Variants in PSG8 observed in about 807,000 individuals in gnomAD.
PSG8 encodes the protein pregnancy-specific beta-1-glycoprotein 8.
A neutral mutation model predicts 42.5 loss-of-function variants in PSG8; 57 were observed. That is an observed-to-expected ratio of 1.34 (90% CI 1.08 to 1.67). The LOEUF (loss-of-function observed/expected upper bound fraction) is 1.67. Ranked by LOEUF, PSG8 falls within the 40% of genes most tolerant of loss-of-function variation. The probability of loss-of-function intolerance (pLI) is 0.00; values close to 1 mark genes in which losing one functional copy is unlikely to be tolerated. For missense variants in PSG8, 783 were observed against 518.6 expected (o/e 1.51, Z -4.95); for synonymous variants, 280 against 196.8 (o/e 1.42, Z -3.54).
chr19:42,753,349 AC>A (rs553477524), downstream of PSG8: 698 of 780,524 alleles, frequency 8.9e-4, 3 homozygotes, highest in African/African-American at 0.011. Context: ...AATTGGAGGA[AC>A]TAGTAGAATT....
At chr19:42,765,062 C>CA (rs113131452) in intron 1 of PSG8, among the ~76,000 whole-genome samples, 25,575 of 151,818 alleles carry the variant, frequency 0.17, 3,800 homozygotes, top group African/African-American at 0.4. Flanking sequence ...AATTCTGGTT[C>CA]CTGTGACTTT....
At chr19:42,759,843 T>G (rs1160868371) in intron 2 of PSG8, among the ~76,000 whole-genome samples, 2 of 152,138 alleles carry the variant, frequency 1.3e-5, no homozygotes, top group Non-Finnish European at 2.9e-5. Flanking sequence ...AACATAAGGT[T>G]TAGGTGTGCC....
downstream of PSG8, chr19:42,754,174 A>G (rs1969849449): frequency 3.3e-6 from 5 of 1,512,136 alleles, no homozygotes; most frequent in Non-Finnish European, 4.4e-6. Flanking sequence ...AAGTTTTCAA[A>G]GTTCTTAGAC....
chr19:42,761,898 A>C (rs1970085822), intron 2 of PSG8, among the ~76,000 whole-genome samples: 2 of 113,258 alleles, frequency 1.8e-5, no homozygotes, highest in South Asian at 6.2e-4. Flanking sequence ...GAGTGGATGG[A>C]GGAACTGCCT....
At chr19:42,755,340 T>C (rs1969896981) in intron 3 of PSG8, 74 bp from the exon 4 acceptor site, 1 of 1,577,972 alleles carries the variant, frequency 6.3e-7, no homozygotes, top group Admixed American at 1.7e-5. Flanking sequence ...TCAATCAGAG[T>C]TGGCATCTCC....
downstream of PSG8, chr19:42,753,829 G>T (rs949241023): frequency 4.5e-6 from 2 of 441,870 alleles, no homozygotes; most frequent in Non-Finnish European, 8.7e-6. Context: ...GCAGATTGTT[G>T]CTGTACTTGT....
intron 2 of PSG8, among the ~76,000 whole-genome samples, chr19:42,762,289 A>G (rs12608594): frequency 9.2e-5 from 14 of 151,952 alleles, no homozygotes; most frequent in South Asian, 4.2e-4. Context: ...ACTGACTTCA[A>G]AAACCCCAGG....
rs755926501 is a variant in PSG8, at chr19:42,755,153, G to A, written c.823C>T (p.Leu275=). ...CTGACCGGGAGGCTCTGACCATTTA[G>A]CCACCAAATGTAGGTGTAGTTCTCA... is the stretch of plus-strand genomic sequence containing the variant. ...KSENYTYIWW[L]NGQSLPVSPR... The change falls in exon 4 of 5, where the codon CTA becomes TTA. Residue 275 remains leucine, a synonymous_variant. Transcript: ENST00000306511. 3.0e-5 allele frequency: 49 copies of A among 1,611,794 alleles called. No individual in the cohort carries two copies. The highest frequency in any genetic ancestry group is 6.7e-5 in the African/African-American group (5 of 74,836).
chr19:42,758,237 G>T lies in PSG8; in HGVS notation c.474C>A (p.Pro158=). The stretch of plus-strand genomic sequence containing the variant: ...AGCTCACAGCCTCCATGGCCTCCCT[G>T]GGGTTTAATTTGCTGCTGGAGATGG... ...KPSISSSKLN[P]REAMEAVSLT... is the part of the protein sequence containing the mutation. The change falls in exon 3 of 5, where the codon CCC becomes CCA. Residue 158 remains proline, a synonymous_variant. Transcript: ENST00000306511. 6.2e-7 allele frequency: 1 copy of T among 1,614,008 alleles called. No individual in the cohort carries two copies. The highest frequency in any genetic ancestry group is 8.5e-7 in the Non-Finnish European group (1 of 1,179,950).
At chr19:42,753,268 T>C, downstream of PSG8, 1 of 779,524 alleles carries the variant, frequency 1.3e-6, no homozygotes. Flanking sequence ...CATTGAGTTG[T>C]CCACCTCCAG....
chr19:42,765,410 C>A, intron 1 of PSG8, 108 bp downstream of exon 1: 2 of 1,534,166 alleles, frequency 1.3e-6, no homozygotes, highest in Non-Finnish European at 1.8e-6. Context: ...CCTCAGCCTC[C>A]CAAAGTGCTG....
downstream of PSG8, chr19:42,753,863 C>T (rs1969841143): frequency 4.3e-6 from 2 of 470,004 alleles, no homozygotes; most frequent in South Asian, 1.7e-5. Context: ...TTACCATAAA[C>T]ATATCAATTC....
chr19:42,759,112 G>A (rs532117833), intron 2 of PSG8, among the ~76,000 whole-genome samples: 12 of 152,164 alleles, frequency 7.9e-5, no homozygotes, highest in South Asian at 2.1e-4. Context: ...CTGGTGGAAA[G>A]GGCGAACATG....
intron 4 of PSG8, 172 bp downstream of exon 4, chr19:42,754,816 T>C (rs375691547): frequency 5.5e-6 from 8 of 1,466,222 alleles, no homozygotes; most frequent in Middle Eastern, 2.6e-4. Flanking sequence ...CTTATACTCT[T>C]GGTTAAGGCT....
At position 42,764,236 on chromosome 19, in the gene PSG8, G is replaced by A. The variant is rs142689447; in HGVS notation, c.110C>T (p.Thr37Met). ...FWNPPTTAQV[T>M]IEAQPTKVSE... The stretch of plus-strand genomic sequence containing the variant: ...AACTTTGGTTGGCTGGGCTTCAATC[G>A]TGACTTGGGCAGTCGTGGGTGGGTT... The change falls in exon 2 of 5, where the codon ACG (threonine) becomes ATG (methionine). Residue 37 changes from threonine (T) to methionine (M), a missense_variant. Coordinates refer to ENST00000306511, the MANE Select transcript of PSG8 (RefSeq NM_182707.3). The A allele has an allele frequency of 1.1e-3, 1,709 of 1,613,706 alleles. 15 individuals are homozygous for A. The highest frequency in any genetic ancestry group is 1.3e-3 in the Non-Finnish European group (1,537 of 1,179,798).
rs561704987 is a variant in PSG8 at position 42,762,655 on chromosome 19, G to A, written c.430+1261C>T. Among the ~76,000 whole-genome samples the A allele has an allele frequency of 3.9e-5, 6 of 152,038 alleles. No homozygotes were observed. The South Asian group carries it at 1.2e-3, about 32-fold the overall frequency. Reference sequence around the variant, plus strand: ...CTTGATCCTCTCATGACAGTGACATGGACACTTTGGGAAACACAGGATTTC... The same window carrying A: ...CTTGATCCTCTCATGACAGTGACATAGACACTTTGGGAAACACAGGATTTC... On this transcript the variant is annotated intron_variant, in intron 2 of 4. Coordinates refer to ENST00000306511, the MANE Select transcript of PSG8 (RefSeq NM_182707.3).
chr19:42,754,016 G>A (rs527585870), downstream of PSG8: 35 of 852,078 alleles, frequency 4.1e-5, no homozygotes, highest in Non-Finnish European at 6.3e-5. Flanking sequence ...CGTCAATGTA[G>A]AAAACAAACC....
At chr19:42,758,382 A>G (rs1969987511) in intron 2 of PSG8, 102 bp from the exon 3 acceptor site, 8 of 1,536,206 alleles carry the variant, frequency 5.2e-6, no homozygotes, top group Admixed American at 2.0e-5. Context: ...CAGCCCACCC[A>G]AGTCCTTAAA....
intron 3 of PSG8, among the ~76,000 whole-genome samples, chr19:42,756,552 G>A (rs1969932162): frequency 6.6e-6 from 1 of 152,056 alleles, no homozygotes; most frequent in South Asian, 2.1e-4. Flanking sequence ...AAATGCTCCA[G>A]TGAGCATTTC....
Sources: allele counts gnomAD v4.1 joint callset (sites outside exome capture counted in the v4.1 genomes callset), GRCh38; gene constraint gnomAD v4.1.1; transcripts MANE v1.5; gene names NCBI Gene and HGNC (gene_info 2026-07-23, HGNC 2026-07-21).